NOP14: variants seen among roughly 807,000 people sequenced by gnomAD.
NOP14 encodes nucleolar protein 14.
A neutral mutation model predicts 101.6 loss-of-function variants in NOP14; 57 were observed. The ratio of observed to expected loss-of-function variants is 0.56; its 90% CI spans 0.45 to 0.70. The LOEUF is 0.70. NOP14 is among the 30% of genes least tolerant of loss of function. The pLI is 0.00. For missense variants in NOP14, 1,134 were observed against 1,075.5 expected (o/e 1.05, Z -0.76); for synonymous variants, 428 against 424.0 (o/e 1.01, Z -0.12).
chr4:2,955,029 TCC>T (rs1262860032), intron 3 of NOP14, among the ~76,000 whole-genome samples: 1 of 136,776 alleles, frequency 7.3e-6, no homozygotes. Context: ...TCTAGTCACC[TCC>T]ACGCCACGGC....
At chr4:2,943,762 A>G (rs1714403540) in intron 13 of NOP14, among the ~76,000 whole-genome samples, 1 of 152,282 alleles carries the variant, frequency 6.6e-6, no homozygotes, top group African/African-American at 2.4e-5. Flanking sequence ...CATAATACAA[A>G]AAATTAAGAT....
At chr4:2,942,394 C>G in intron 13 of NOP14, 43 bp from the exon 14 acceptor site, 3 of 1,587,696 alleles carry the variant, frequency 1.9e-6, no homozygotes, top group Non-Finnish European at 1.7e-6. Context: ...CTGAACATTA[C>G]TGGGCTCCCA....
rs1049482989 is a variant in NOP14 at position 2,939,035 on chromosome 4, C to G, written c.2475-105G>C. 3 of 1,466,744 alleles carry G rather than the reference C, an allele frequency of 2.0e-6. No individual in the cohort carries two copies. In the Admixed American group the frequency reaches 5.1e-5, roughly 25 times the overall value. 90.9% of individuals were successfully genotyped at this position (1,466,744 alleles called of 1,614,324 possible). A position where few individuals can be genotyped will look rare whatever the true frequency, so the allele number is the denominator to read the frequency against. On this transcript the variant is annotated intron_variant, in intron 17 of 17. Transcript: ENST00000416614. ...CCACATTAGCCACCGTGGCCACGTTCAGTTCAAACAGGGGGAAGTGAACCT... is the reference window on the plus strand; with the variant it reads ...CCACATTAGCCACCGTGGCCACGTTGAGTTCAAACAGGGGGAAGTGAACCT...
At chr4:2,946,642 A>G (rs1389416849) in intron 10 of NOP14, 95 bp from the exon 11 acceptor site, 25 of 1,120,218 alleles carry the variant, frequency 2.2e-5, no homozygotes, top group Non-Finnish European at 3.3e-5. Context: ...TCACCTGTTG[A>G]CTGAGCAAGT....
intron 1 of NOP14, chr4:2,961,222 ATATTGTTAG>A (rs1354039325): frequency 8.5e-4 from 118 of 138,912 alleles, no homozygotes; most frequent in African/African-American, 2.9e-3. Context: ...TAATATATTA[ATATTGTTAG>A]TATATTAATA....
At chr4:2,961,044 T>C (rs1282897409) in intron 1 of NOP14, among the ~76,000 whole-genome samples, 2 of 110,006 alleles carry the variant, frequency 1.8e-5, no homozygotes, top group Admixed American at 1.2e-4. Context: ...ATCAATATTA[T>C]ATTAATACTA....
At position 2,950,029 on chromosome 4, in the gene NOP14, G is replaced by C. The variant is rs751902801; in HGVS notation, c.1187C>G (p.Ala396Gly). Residue 396 changes from alanine (A) to glycine (G), a missense_variant, in exon 8 of 18, where the codon GCA becomes GGA. Physicochemically the swap from Ala to Gly is moderately conservative, Grantham distance 60 (BLOSUM62 0). Coordinates refer to ENST00000416614, the MANE Select transcript of NOP14 (RefSeq NM_001291978.2). ...VESEEENEKP[A>G]KEQRQTPGKG... ...CCCAGGAGTCTGCCTCTGCTCTTTT[G>C]CTGGCTTCTCGTTTTCTTCCTCACT... 4 of 1,614,156 alleles carry C rather than the reference G, an allele frequency of 2.5e-6. No individual in the cohort carries two copies. The highest frequency in any genetic ancestry group is 1.3e-5 in the African/African-American group (1 of 75,040).
chr4:2,960,277 C>G (rs1297117289), intron 1 of NOP14, among the ~76,000 whole-genome samples: 2 of 151,926 alleles, frequency 1.3e-5, no homozygotes, highest in Non-Finnish European at 2.9e-5. Flanking sequence ...CAGCATACAC[C>G]GAGAAGACTT....
At chr4:2,953,318 A>G (rs911694752) in intron 5 of NOP14, among the ~76,000 whole-genome samples, 193 bp downstream of exon 5, 3 of 152,346 alleles carry the variant, frequency 2.0e-5, no homozygotes, top group African/African-American at 4.8e-5. Flanking sequence ...TTCACCTGCA[A>G]TAGAGACTCA....
At chr4:2,961,957 T>C (rs1715982743) in intron 1 of NOP14, among the ~76,000 whole-genome samples, 1 of 152,200 alleles carries the variant, frequency 6.6e-6, no homozygotes, top group Admixed American at 6.5e-5. Flanking sequence ...TTGGGTTACA[T>C]AGCTTGGGTG....
At chr4:2,963,044 G>A (rs894012913) in intron 1 of NOP14, 81 bp downstream of exon 1, 1 of 1,366,394 alleles carries the variant, frequency 7.3e-7, no homozygotes, top group South Asian at 1.5e-5. Flanking sequence ...GGAAACCGAC[G>A]CACCGAGAAG....
In NOP14 at chr4:2,944,107, A is replaced by G. The variant is rs1714431203; in HGVS notation, c.1857T>C (p.Ile619=). The change falls in exon 13 of 18, where the codon ATT becomes ATC. Residue 619 remains isoleucine (I), a synonymous_variant. Coordinates refer to ENST00000416614, the MANE Select transcript of NOP14 (RefSeq NM_001291978.2). Reference sequence around the variant, plus strand: ...CTTTGTTTGGAGTTGCTATGTAAAGAATCCCAAGAAGAAAATTAATAAGCT... The same window carrying G: ...CTTTGTTTGGAGTTGCTATGTAAAGGATCCCAAGAAGAAAATTAATAAGCT... ...IPELINFLLG[I]LYIATPNKAS... 2 of 1,613,186 alleles carry G rather than the reference A, an allele frequency of 1.2e-6. No individual in the cohort carries two copies. Among genetic ancestry groups the G allele is most frequent in the Non-Finnish European group, 1.7e-6 (2 of 1,179,636 alleles).
chr4:2,941,995 C>G (rs1714235981), intron 14 of NOP14, 197 bp downstream of exon 14: 1 of 641,972 alleles, frequency 1.6e-6, no homozygotes, highest in East Asian at 2.8e-5. Flanking sequence ...TTTGTGAAAT[C>G]AAGCAAATGT....
chr4:2,950,252 C>T (rs768442406), intron 7 of NOP14, 39 bp from the exon 8 acceptor site: 50 of 1,603,414 alleles, frequency 3.1e-5, no homozygotes, highest in Admixed American at 2.7e-4. Flanking sequence ...TGAGGACAGG[C>T]GGAGACAACG....
At chr4:2,944,438 C>G (rs182829281) in intron 12 of NOP14, among the ~76,000 whole-genome samples, 1 of 152,226 alleles carries the variant, frequency 6.6e-6, no homozygotes, top group African/African-American at 2.4e-5. Context: ...CGGAGTTTCA[C>G]TCTTACCACC....
intron 10 of NOP14, chr4:2,947,231 T>G (rs749885454): frequency 2.2e-6 from 1 of 457,726 alleles, no homozygotes; most frequent in Non-Finnish European, 3.9e-6. Flanking sequence ...AGCTTGAAAC[T>G]TACAATGAGC....
intron 4 of NOP14, 43 bp from the exon 5 acceptor site, chr4:2,953,688 TG>T: frequency 6.2e-7 from 1 of 1,609,120 alleles, no homozygotes. Flanking sequence ...CCGTTACTAC[TG>T]GACTTCAACC....
chr4:2,939,574 C>T lies in NOP14; in HGVS notation c.2271G>A (p.Lys757=). ...AAAGCTTCAGTGGGACAGGCTTGCT[C>T]TTCTCACAGGTCAGCGGCCGGCAGA... is the stretch of plus-strand genomic sequence containing the variant. ...KQLCRPLTCE[K]SKPVPLKLFT... is the part of the protein sequence containing the mutation. The change falls in exon 16 of 18, where the codon AAG becomes AAA. Residue 757 remains lysine, a synonymous_variant. Transcript: ENST00000416614. The T allele has an allele frequency of 6.2e-7, 1 of 1,614,026 alleles. No individual in the cohort carries two copies. The highest frequency in any genetic ancestry group is 8.5e-7 in the Non-Finnish European group (1 of 1,180,030).
At chr4:2,952,200 A>T (rs1482062329) in intron 6 of NOP14, 75 bp downstream of exon 6, 7 of 1,521,058 alleles carry the variant, frequency 4.6e-6, no homozygotes, top group Non-Finnish European at 6.3e-6. Context: ...TCTTCAGCCC[A>T]TCCTGCAAAA....
Sources: gnomAD v4.1 joint callset for allele counts (sites outside exome capture counted in the v4.1 genomes callset) on GRCh38, gnomAD v4.1.1 for gene constraint, MANE v1.5 for transcripts, NCBI Gene and HGNC (gene_info 2026-07-23, HGNC 2026-07-21) for gene names.